The following GCGR variants were observed in gnomAD, a reference collection of about 807,000 sequenced individuals.
GCGR encodes glucagon receptor.
Under a neutral mutation model 56.1 loss-of-function variants are expected in GCGR, and 41 were observed. That is an observed-to-expected ratio of 0.73 (90% CI 0.57 to 0.95). The LOEUF is 0.95. GCGR is among the 40% of genes least tolerant of loss of function. GCGR has a pLI of 0.00. For synonymous variants in GCGR, 278 were observed against 271.1 expected (o/e 1.03, Z -0.25); for missense variants, 595 against 638.2 (o/e 0.93, Z 0.73).
At position 81,813,416 on chromosome 17, in the gene GCGR, G is replaced by A. The variant is rs986787360; in HGVS notation, c.1219-58G>A. The A allele has an allele frequency of 3.8e-5, 56 of 1,465,524 alleles. No individual in the cohort carries two copies. In the East Asian group the frequency reaches 4.2e-4, roughly 11 times the overall value. The allele number at this position is 1,465,524 out of a possible 1,614,324, so 90.8% of individuals were successfully genotyped here. Reference sequence around the variant, plus strand: ...TCCGATGAGGCCCACAGCAGGTCCCGGTGGGGTGGAGAGGACAGGCAGGCC... The same window carrying A: ...TCCGATGAGGCCCACAGCAGGTCCCAGTGGGGTGGAGAGGACAGGCAGGCC... On this transcript the variant is annotated intron_variant, in intron 13 of 13. Transcript: ENST00000400723. This position sits in a 1 kb window ranked among gnomAD's most constrained non-coding sequence, Gnocchi z 5.3.
intron 2 of GCGR, 77 bp downstream of exon 2, chr17:81,809,155 CCTGCCTGCCTGCCTGTCTGCCTGCCTGT>C (rs1598234953): frequency 1.4e-6 from 2 of 1,444,202 alleles, no homozygotes; most frequent in East Asian, 2.5e-5. Flanking sequence ...TGTCTGCCTG[CCTGCCTGCCTGCCTGTCTGCCTGCCTGT>C]CTGTCTGTCT....
chr17:81,805,540 G>A (rs191414984), intron 1 of GCGR, among the ~76,000 whole-genome samples: 2,542 of 147,800 alleles, frequency 0.017, 30 homozygotes, highest in Middle Eastern at 0.041. Flanking sequence ...GGCACCTCGG[G>A]AACCCTCCCA....
Position 81,811,873 on chromosome 17 carries a change from C to G in GCGR, c.818-13C>G, listed in dbSNP as rs1440964683. 2 of 1,536,976 alleles carry G rather than the reference C, an allele frequency of 1.3e-6. No individual in the cohort carries two copies. Among genetic ancestry groups the G allele is most frequent in the African/African-American group, 2.7e-5 (2 of 73,028 alleles). On this transcript the variant is annotated splice_polypyrimidine_tract_variant and intron_variant, in intron 8 of 13. Coordinates refer to ENST00000400723, the MANE Select transcript of GCGR (RefSeq NM_000160.5). The surrounding 1 kb of genome is among the most constrained non-coding windows in gnomAD (Gnocchi z 5.8). ...GACCAAGCCTTTGGGACCACAGCTG[C>G]TGCCCCCCACAGGTGCCCCCATGCT...
chr17:81,808,230 C>T (rs2038001651), intron 1 of GCGR, among the ~76,000 whole-genome samples: 1 of 152,256 alleles, frequency 6.6e-6, no homozygotes, highest in South Asian at 2.1e-4. Flanking sequence ...GCACCGCCAC[C>T]CTCACGCTTG....
At chr17:81,805,205 C>CTT (rs2037930049) in intron 1 of GCGR, 1 of 152,340 alleles carries the variant, frequency 6.6e-6, no homozygotes, top group Non-Finnish European at 1.5e-5. Context: ...CCAGTGGCCG[C>CTT]TCCACCCATC....
rs1375056823 is a variant in GCGR, at chr17:81,808,585, TCTC to T, written c.-177-255_-177-253del. ...CCCAGGCTGGACTGCAATGGCTTGA[TCTC>T]CGCTCACTGCAAGCTCTGCCTCCCG... is the stretch of plus-strand genomic sequence containing the variant. On this transcript the variant is annotated intron_variant, in intron 1 of 13. Coordinates refer to ENST00000400723, the MANE Select transcript of GCGR (RefSeq NM_000160.5). Among the ~76,000 whole-genome samples, 5 of 150,482 alleles carry T rather than the reference TCTC, an allele frequency of 3.3e-5. No individual in the cohort carries two copies. The East Asian group carries it at 9.8e-4, about 30-fold the overall frequency.
chr17:81,809,120 T>G (rs1188460872), intron 2 of GCGR, 42 bp downstream of exon 2: 1 of 1,527,776 alleles, frequency 6.5e-7, no homozygotes, highest in East Asian at 2.5e-5. Flanking sequence ...GGCCCTCCTG[T>G]GAGGACTGCA....
rs2038069213 is a variant in GCGR, at chr17:81,810,444, G to A, written c.164-381G>A. On this transcript the variant is annotated intron_variant, in intron 3 of 13. Transcript: ENST00000400723. This position sits in a 1 kb window ranked among gnomAD's most constrained non-coding sequence, Gnocchi z 4.6. Reference sequence around the variant, plus strand: ...CAGGTTTGGCGATGCACCTGGGAAGGATGAAAATGGCATTGGGGTTCAGCC... The same window carrying A: ...CAGGTTTGGCGATGCACCTGGGAAGAATGAAAATGGCATTGGGGTTCAGCC... 5.5e-6 allele frequency: 2 copies of A among 365,214 alleles called. No homozygotes were observed. Among genetic ancestry groups the A allele is most frequent in the Non-Finnish European group, 1.0e-5 (2 of 193,510 alleles). 22.6% of individuals were successfully genotyped at this position (365,214 alleles called of 1,614,324 possible).
Position 81,808,882 on chromosome 17 carries a change from C to G in GCGR, c.-137C>G, listed in dbSNP as rs936884812. On this transcript the variant is annotated 5_prime_UTR_variant, in exon 2 of 14. Coordinates refer to ENST00000400723, the MANE Select transcript of GCGR (RefSeq NM_000160.5). ...AGGGGCAGCTTCAGGGGAGGACACCCCACTGGCCAGGACGCCCCAGGCTCT... is the reference window on the plus strand; with the variant it reads ...AGGGGCAGCTTCAGGGGAGGACACCGCACTGGCCAGGACGCCCCAGGCTCT... 1.6e-5 allele frequency: 17 copies of G among 1,056,772 alleles called. No homozygotes were observed. The highest frequency in any genetic ancestry group is 2.9e-4 in the Middle Eastern group (1 of 3,490). 65.5% of individuals were successfully genotyped at this position (1,056,772 alleles called of 1,614,324 possible).
At chr17:81,807,828 G>A (rs1226037526) in intron 1 of GCGR, among the ~76,000 whole-genome samples, 1 of 152,262 alleles carries the variant, frequency 6.6e-6, no homozygotes, top group African/African-American at 2.4e-5. Context: ...GCCGATTTGT[G>A]TAGCTGTTGC....
Position 81,813,430 on chromosome 17 carries a change from G to A in GCGR, c.1219-44G>A. 1.3e-6 allele frequency: 2 copies of A among 1,513,082 alleles called. No homozygotes were observed. Among genetic ancestry groups the A allele is most frequent in the African/African-American group, 1.4e-5 (1 of 72,540 alleles). The allele number at this position is 1,513,082 out of a possible 1,614,324, so 93.7% of individuals were successfully genotyped here. A position where few individuals can be genotyped will look rare whatever the true frequency, so the allele number is the denominator to read the frequency against. Reference sequence around the variant, plus strand: ...CAGCAGGTCCCGGTGGGGTGGAGAGGACAGGCAGGCCCTAGGACTGGCCTG... The same window carrying A: ...CAGCAGGTCCCGGTGGGGTGGAGAGAACAGGCAGGCCCTAGGACTGGCCTG... On this transcript the variant is annotated intron_variant, in intron 13 of 13. Coordinates refer to ENST00000400723, the MANE Select transcript of GCGR (RefSeq NM_000160.5). The surrounding 1 kb of genome is among the most constrained non-coding windows in gnomAD (Gnocchi z 5.3).
At position 81,811,653 on chromosome 17, in the gene GCGR, G is replaced by A. The variant is rs746261957; in HGVS notation, c.660G>A (p.Ala220=). The A allele has an allele frequency of 1.6e-4, 244 of 1,536,380 alleles. No homozygotes were observed. The highest frequency in any genetic ancestry group is 8.2e-5 in the African/African-American group (6 of 73,050). ...LSVSTWLSDG[A]VAGCRVAAVF... is the part of the protein sequence containing the mutation. ...CGCTCACACTGCACCTGTACCAGGC[G>A]GTGGCTGGCTGCCGTGTGGCCGCGG... The change falls in exon 8 of 14, where the codon GCG becomes GCA. Residue 220 remains alanine (A), a splice_region_variant and synonymous_variant. Coordinates refer to ENST00000400723, the MANE Select transcript of GCGR (RefSeq NM_000160.5). This position sits in a 1 kb window ranked among gnomAD's most constrained non-coding sequence, Gnocchi z 5.8.
At position 81,809,811 on chromosome 17, in the gene GCGR, C is replaced by T; in HGVS notation, c.90C>T (p.Asp30=). 1 of 1,536,716 alleles carries T rather than the reference C, an allele frequency of 6.5e-7. No individual in the cohort carries two copies. ...AGGTCCCCTCCGCTCAGGTGATGGA[C>T]TTCCTGTTTGAGAAGTGGAAGCTCT... is the stretch of plus-strand genomic sequence containing the variant. ...QPQVPSAQVM[D]FLFEKWKLYG... Residue 30 remains aspartate (D), a synonymous_variant, in exon 3 of 14, where the codon GAC becomes GAT. Coordinates refer to ENST00000400723, the MANE Select transcript of GCGR (RefSeq NM_000160.5).
chr17:81,804,888 C>A lies in GCGR; in HGVS notation c.-178+639C>A, dbSNP rs934427104. On this transcript the variant is annotated intron_variant, in intron 1 of 13. Coordinates refer to ENST00000400723, the MANE Select transcript of GCGR (RefSeq NM_000160.5). This position sits in a 1 kb window ranked among gnomAD's most constrained non-coding sequence, Gnocchi z 8.2. ...CCGGGCTTATGCTCCGACTCTGAAC[C>A]GACTGACCCCGGCCCCCTCGGCGCC... Among the ~76,000 whole-genome samples the A allele has an allele frequency of 5.9e-5, 9 of 152,074 alleles. No individual in the cohort carries two copies. Among genetic ancestry groups the A allele is most frequent in the African/African-American group, 2.2e-4 (9 of 41,400 alleles).
Position 81,812,550 on chromosome 17 carries a change from C to A in GCGR, c.949-27C>A. The A allele has an allele frequency of 6.5e-7, 1 of 1,529,458 alleles. No individual in the cohort carries two copies. The highest frequency in any genetic ancestry group is 8.8e-7 in the Non-Finnish European group (1 of 1,141,246). 94.7% of individuals were successfully genotyped at this position (1,529,458 alleles called of 1,614,324 possible). A position where few individuals can be genotyped will look rare whatever the true frequency, so the allele number is the denominator to read the frequency against. ...GAGCTGTTCCCTGGGGCTCGGGATGCCCCTGACTCGCACCCTTCTCACACA... is the reference window on the plus strand; with the variant it reads ...GAGCTGTTCCCTGGGGCTCGGGATGACCCTGACTCGCACCCTTCTCACACA... On this transcript the variant is annotated intron_variant, in intron 10 of 13. Transcript: ENST00000400723. This position sits in a 1 kb window ranked among gnomAD's most constrained non-coding sequence, Gnocchi z 8.5.
chr17:81,805,538 G>A (rs1261533175), intron 1 of GCGR, among the ~76,000 whole-genome samples: 5 of 147,926 alleles, frequency 3.4e-5, no homozygotes, highest in East Asian at 2.0e-4. Context: ...TGGGCACCTC[G>A]GGAACCCTCC....
chr17:81,812,178 C>G lies in GCGR; in HGVS notation c.879-5C>G, dbSNP rs775128259. Reference sequence around the variant, plus strand: ...CCCCAGTATGTGAGTGGCCTGGCCTCGCAGGTGCTGGACCAGCAATGACAA... The same window carrying G: ...CCCCAGTATGTGAGTGGCCTGGCCTGGCAGGTGCTGGACCAGCAATGACAA... On this transcript the variant is annotated splice_region_variant and splice_polypyrimidine_tract_variant and intron_variant, in intron 9 of 13. Coordinates refer to ENST00000400723, the MANE Select transcript of GCGR (RefSeq NM_000160.5). The surrounding 1 kb of genome is among the most constrained non-coding windows in gnomAD (Gnocchi z 8.5). 26 of 1,536,150 alleles carry G rather than the reference C, an allele frequency of 1.7e-5. 1 individual carries two copies. The Middle Eastern group carries it at 3.3e-3, about 193-fold the overall frequency.
rs1403443648 is a variant in GCGR at position 81,813,965 on chromosome 17, T to G, written c.*276T>G. The G allele has an allele frequency of 6.0e-6, 3 of 501,714 alleles. No individual in the cohort carries two copies. The highest frequency in any genetic ancestry group is 1.1e-5 in the Non-Finnish European group (3 of 278,108). 31.1% of individuals were successfully genotyped at this position (501,714 alleles called of 1,614,324 possible). On this transcript the variant is annotated 3_prime_UTR_variant, in exon 14 of 14. Transcript: ENST00000400723. The surrounding 1 kb of genome is among the most constrained non-coding windows in gnomAD (Gnocchi z 5.3). Reference sequence around the variant, plus strand: ...TCCCCACGTATGTCGGCACGTCCCATGTGCATGGAAATGTCCTCCAACAAT... The same window carrying G: ...TCCCCACGTATGTCGGCACGTCCCAGGTGCATGGAAATGTCCTCCAACAAT...
In GCGR at chr17:81,812,760, CG is replaced by C; in HGVS notation, c.1038-44del. On this transcript the variant is annotated intron_variant, in intron 11 of 13. Transcript: ENST00000400723. This position sits in a 1 kb window ranked among gnomAD's most constrained non-coding sequence, Gnocchi z 8.5. ...GACTCCAAGCTCCACGTGGATGGTG[CG>C]GGCCGAGGGTGGGGGCGGTGGGTGA... The C allele has an allele frequency of 1.3e-6, 2 of 1,511,198 alleles. No individual in the cohort carries two copies. The highest frequency in any genetic ancestry group is 1.2e-5 in the South Asian group (1 of 83,404). The allele number at this position is 1,511,198 out of a possible 1,614,324, so 93.6% of individuals were successfully genotyped here. A position where few individuals can be genotyped will look rare whatever the true frequency, so the allele number is the denominator to read the frequency against.
Sources: gnomAD v4.1 joint callset for allele counts (sites outside exome capture counted in the v4.1 genomes callset) on GRCh38, gnomAD v4.1.1 for gene constraint, Gnocchi (gnomAD v3.1) non-coding constraint, MANE v1.5 for transcripts, NCBI Gene and HGNC (gene_info 2026-07-23, HGNC 2026-07-21) for gene names.